Variants in NLGN1 observed in about 807,000 individuals in gnomAD.
The protein encoded by NLGN1 is neuroligin 1.
In NLGN1, 12 loss-of-function variants were observed where a neutral mutation model predicts 65.5. The observed-to-expected ratio is 0.18, with a 90% CI of 0.12 to 0.30. NLGN1 has a LOEUF of 0.30. Among genes scored for constraint, NLGN1 ranks in the 10% least tolerant of loss-of-function variants. The probability of loss-of-function intolerance (pLI) is 1.00; values close to 1 mark genes in which losing one functional copy is unlikely to be tolerated. For synonymous variants in NLGN1, 350 were observed against 359.5 expected (o/e 0.97, Z 0.30); for missense variants, 750 against 1,007.1 (o/e 0.74, Z 3.46).
intron 4 of NLGN1, among the ~76,000 whole-genome samples, chr3:173,860,311 A>T (rs371914646): frequency 6.6e-6 from 1 of 151,822 alleles, no homozygotes; most frequent in Non-Finnish European, 1.5e-5. Context: ...GTCTTATTTG[A>T]CCCATATATT....
At chr3:173,570,336 G>A (rs1328933977) in intron 2 of NLGN1, among the ~76,000 whole-genome samples, 1 of 152,216 alleles carries the variant, frequency 6.6e-6, no homozygotes, top group East Asian at 1.9e-4. Flanking sequence ...AAGTAGCGCA[G>A]CATGCTTAGA....
At chr3:173,468,276 A>G (rs1724710025) in intron 2 of NLGN1, among the ~76,000 whole-genome samples, 2 of 152,046 alleles carry the variant, frequency 1.3e-5, no homozygotes, top group Non-Finnish European at 2.9e-5. Context: ...GGTTTCATTC[A>G]TGTGGCCATA....
chr3:173,467,234 A>T (rs555735), intron 2 of NLGN1, among the ~76,000 whole-genome samples: 151,697 of 152,180 alleles, frequency 1, 75,608 homozygotes, highest in East Asian at 1. Context: ...TATGTTTTTT[A>T]AATGGCAGTA....
chr3:174,039,395 G>A (rs774962520), intron 4 of NLGN1, among the ~76,000 whole-genome samples: 2 of 151,918 alleles, frequency 1.3e-5, no homozygotes, highest in African/African-American at 4.8e-5. Flanking sequence ...CATGCATTAG[G>A]TGTTTGTCCT....
intron 4 of NLGN1, among the ~76,000 whole-genome samples, chr3:174,021,753 A>G (rs749622607): frequency 1.7e-4 from 26 of 152,124 alleles, no homozygotes; most frequent in Non-Finnish European, 3.4e-4. Flanking sequence ...TCAGGTTTCC[A>G]TTTTTGTTAT....
chr3:174,218,349 CT>C (rs1265220304), intron 4 of NLGN1, among the ~76,000 whole-genome samples: 3 of 151,500 alleles, frequency 2.0e-5, no homozygotes, highest in African/African-American at 7.3e-5. Context: ...ATCATCTTTT[CT>C]TCAGTGAGGT....
chr3:173,607,733 T>G (rs1194112566), intron 3 of NLGN1, among the ~76,000 whole-genome samples: 1 of 151,572 alleles, frequency 6.6e-6, no homozygotes, highest in East Asian at 1.9e-4. Flanking sequence ...ATGTGGACTG[T>G]GAGATTTTCA....
At chr3:173,929,568 G>A (rs1291285050) in intron 4 of NLGN1, among the ~76,000 whole-genome samples, 1 of 132,650 alleles carries the variant, frequency 7.5e-6, no homozygotes, top group Non-Finnish European at 1.5e-5. Context: ...AATGATCACT[G>A]TCATTTCCAA....
At chr3:174,192,329 G>A (rs1487025301) in intron 4 of NLGN1, among the ~76,000 whole-genome samples, 1 of 152,052 alleles carries the variant, frequency 6.6e-6, no homozygotes, top group East Asian at 1.9e-4. Flanking sequence ...CAAGTAACCA[G>A]GATTTTTTGC....
At chr3:173,447,904 A>G (rs1292463811) in intron 2 of NLGN1, among the ~76,000 whole-genome samples, 1 of 152,198 alleles carries the variant, frequency 6.6e-6, no homozygotes, top group Non-Finnish European at 1.5e-5. Context: ...ATTTTTGCAC[A>G]TTGATTTTAT....
intron 3 of NLGN1, among the ~76,000 whole-genome samples, chr3:173,800,770 CG>C (rs1388028434): frequency 6.6e-6 from 1 of 151,446 alleles, no homozygotes; most frequent in East Asian, 1.9e-4. Context: ...TTTTTACATT[CG>C]ACATTTGTTT....
chr3:174,278,210 C>A (rs1750940087), intron 5 of NLGN1, among the ~76,000 whole-genome samples: 2 of 151,910 alleles, frequency 1.3e-5, no homozygotes, highest in African/African-American at 4.8e-5. Context: ...GAAAACACTT[C>A]AAAGGTTATG....
rs904584264 is a variant in NLGN1 at position 173,653,214 on chromosome 3, G to A, written c.493+48123G>A. 1.1e-4 allele frequency among the ~76,000 whole-genome samples: 17 copies of A among 152,050 alleles called. 1 individual carries two copies. Among genetic ancestry groups the A allele is most frequent in the Non-Finnish European group, 1.9e-4 (13 of 67,996 alleles). On this transcript the variant is annotated intron_variant, in intron 3 of 6. Transcript: ENST00000457714. ...GAGATAATACAACTTCCTCTTTTCC[G>A]ATTTGGATGCCTTTTATTTATTTCT...
intron 2 of NLGN1, among the ~76,000 whole-genome samples, chr3:173,462,267 A>G (rs1723535135): frequency 6.6e-6 from 1 of 152,164 alleles, no homozygotes; most frequent in African/African-American, 2.4e-5. Context: ...TGCCTTTTAC[A>G]TATTACATGC....
At chr3:174,094,955 A>C (rs1163638449) in intron 4 of NLGN1, among the ~76,000 whole-genome samples, 1 of 152,080 alleles carries the variant, frequency 6.6e-6, no homozygotes, top group Non-Finnish European at 1.5e-5. Context: ...GCACCCAGCC[A>C]TTTCTGTCTG....
chr3:173,662,337 G>T (rs960356760), intron 3 of NLGN1, among the ~76,000 whole-genome samples: 1 of 151,944 alleles, frequency 6.6e-6, no homozygotes, highest in African/African-American at 2.4e-5. Context: ...CATTTAAAAA[G>T]TATGTCAGCC....
At chr3:173,553,764 A>C (rs896817172) in intron 2 of NLGN1, among the ~76,000 whole-genome samples, 1 of 150,980 alleles carries the variant, frequency 6.6e-6, no homozygotes, top group Non-Finnish European at 1.5e-5. Flanking sequence ...CAGCCTGTGC[A>C]GATTTAAGAG....
At chr3:173,699,798 A>G (rs1766837131) in intron 3 of NLGN1, among the ~76,000 whole-genome samples, 4 of 152,236 alleles carry the variant, frequency 2.6e-5, no homozygotes. Flanking sequence ...TGGTGAATAG[A>G]CACACTGTAA....
At chr3:173,526,861 C>T (rs1046951687) in intron 2 of NLGN1, among the ~76,000 whole-genome samples, 1 of 152,162 alleles carries the variant, frequency 6.6e-6, no homozygotes, top group African/African-American at 2.4e-5. Context: ...TTTTTCTGTA[C>T]CTGGCTTATT....
Sources: allele counts gnomAD v4.1 joint callset (sites outside exome capture counted in the v4.1 genomes callset), GRCh38; gene constraint gnomAD v4.1.1; transcripts MANE v1.5; gene names NCBI Gene and HGNC (gene_info 2026-07-23, HGNC 2026-07-21).